PHACTR2: variants seen among roughly 807,000 people sequenced by gnomAD.
PHACTR2 encodes phosphatase and actin regulator 2.
PHACTR2 carries 30 observed loss-of-function variants against 76.0 expected under a neutral mutation model. The observed-to-expected ratio is 0.39, with a 90% CI of 0.30 to 0.54. The LOEUF (loss-of-function observed/expected upper bound fraction) is 0.54. PHACTR2 is among the 20% of genes least tolerant of loss of function. The pLI is 0.61. For missense variants in PHACTR2, 696 were observed against 781.1 expected (o/e 0.89, Z 1.30); for synonymous variants, 292 against 292.5 (o/e 1.00, Z 0.02).
At chr6:143,763,070 T>C (rs1779475573) in intron 5 of PHACTR2, among the ~76,000 whole-genome samples, 1 of 152,164 alleles carries the variant, frequency 6.6e-6, no homozygotes, top group Non-Finnish European at 1.5e-5. Flanking sequence ...GATGAAAGAA[T>C]TTTATTGGCC....
chr6:143,750,376 A>G lies in PHACTR2; in HGVS notation c.295+1311A>G, dbSNP rs940403282. Among the ~76,000 whole-genome samples the G allele has an allele frequency of 6.6e-6, 1 of 152,220 alleles. No individual in the cohort carries two copies. Among genetic ancestry groups the G allele is most frequent in the African/African-American group, 2.4e-5 (1 of 41,466 alleles). On this transcript the variant is annotated intron_variant, in intron 3 of 12. Coordinates refer to ENST00000440869, the MANE Select transcript of PHACTR2 (RefSeq NM_001100164.2). The surrounding 1 kb of genome is among the most constrained non-coding windows in gnomAD (Gnocchi z 4.6). ...TTAAACTTAAAGGTAGGCTTGCAATATCAAAATTAATCCCCTGTCCAATGT... is the reference window on the plus strand; with the variant it reads ...TTAAACTTAAAGGTAGGCTTGCAATGTCAAAATTAATCCCCTGTCCAATGT...
chr6:143,745,825 T>A (rs530122028), intron 2 of PHACTR2, among the ~76,000 whole-genome samples: 1 of 152,322 alleles, frequency 6.6e-6, no homozygotes, highest in East Asian at 1.9e-4. Context: ...TATCAGAGCC[T>A]GTTTATAGGA....
rs1266964208 is a variant in PHACTR2 at position 143,656,122 on chromosome 6, C to T, written c.13+47800C>T. Among the ~76,000 whole-genome samples the T allele has an allele frequency of 6.6e-6, 1 of 152,158 alleles. No homozygotes were observed. The highest frequency in any genetic ancestry group is 2.4e-5 in the African/African-American group (1 of 41,424). On this transcript the variant is annotated intron_variant, in intron 1 of 11. Transcript: ENST00000305766. The surrounding 1 kb of genome is among the most constrained non-coding windows in gnomAD (Gnocchi z 5.3). ...AAATACACTCATTGACTTTCTTCTC[C>T]AAGCCAAACTGCAGAGGAAATAACA...
At chr6:143,799,995 A>T (rs552810830) in intron 11 of PHACTR2, among the ~76,000 whole-genome samples, 3 of 152,156 alleles carry the variant, frequency 2.0e-5, no homozygotes, top group African/African-American at 7.2e-5. Flanking sequence ...AAAGTCTCCC[A>T]TTATTATTGT....
chr6:143,652,574 T>G lies in PHACTR2; in HGVS notation c.13+44252T>G, dbSNP rs1439210628. Among the ~76,000 whole-genome samples, 3 of 152,214 alleles carry G rather than the reference T, an allele frequency of 2.0e-5. No individual in the cohort carries two copies. Among genetic ancestry groups the G allele is most frequent in the Non-Finnish European group, 2.9e-5 (2 of 68,036 alleles). ...TGAGTACACTTAAGTGTTTTTGTTT[T>G]CCACTATGCTAGGTCAGTTTTCAGA... is the stretch of plus-strand genomic sequence containing the variant. On this transcript the variant is annotated intron_variant, in intron 1 of 11. Coordinates refer to the PHACTR2 transcript ENST00000305766. This position sits in a 1 kb window ranked among gnomAD's most constrained non-coding sequence, Gnocchi z 4.5.
chr6:143,785,645 A>G (rs1046475433), intron 10 of PHACTR2, among the ~76,000 whole-genome samples: 4 of 151,898 alleles, frequency 2.6e-5, no homozygotes, highest in African/African-American at 9.7e-5. Flanking sequence ...CATGAGCCCC[A>G]CCCCACCCCC....
intron 1 of PHACTR2, among the ~76,000 whole-genome samples, chr6:143,542,951 CA>C (rs1225108078): frequency 3.3e-5 from 5 of 152,186 alleles, no homozygotes; most frequent in Non-Finnish European, 5.9e-5. Flanking sequence ...TCCATTCATT[CA>C]ATTAGTCTTT....
chr6:143,708,719 T>TG lies in PHACTR2; in HGVS notation c.47-3296dup, dbSNP rs1778105567. Among the ~76,000 whole-genome samples, 2 of 152,228 alleles carry TG rather than the reference T, an allele frequency of 1.3e-5. No homozygotes were observed. ...CAGATGACAGTGGTCCTCACATTCATGATTTAAGAGAAGTACAATGGCACA... is the reference window on the plus strand; with the variant it reads ...CAGATGACAGTGGTCCTCACATTCATGGATTTAAGAGAAGTACAATGGCACA... On this transcript the variant is annotated intron_variant, in intron 1 of 12. Transcript: ENST00000440869. The surrounding 1 kb of genome is among the most constrained non-coding windows in gnomAD (Gnocchi z 5.5).
At chr6:143,542,729 T>G (rs1781182232) in intron 1 of PHACTR2, among the ~76,000 whole-genome samples, 1 of 152,216 alleles carries the variant, frequency 6.6e-6, no homozygotes, top group African/African-American at 2.4e-5. Context: ...GGGGAAAATT[T>G]CTTCATATTT....
chr6:143,612,752 C>T (rs1775998083), intron 1 of PHACTR2, among the ~76,000 whole-genome samples: 1 of 152,122 alleles, frequency 6.6e-6, no homozygotes, highest in Non-Finnish European at 1.5e-5. Context: ...TTCTAAAAAA[C>T]TTGATAAAAA....
chr6:143,787,576 A>G lies in PHACTR2; in HGVS notation c.1708-1197A>G, dbSNP rs1775583842. On this transcript the variant is annotated intron_variant, in intron 10 of 12. Transcript: ENST00000440869. The surrounding 1 kb of genome is among the most constrained non-coding windows in gnomAD (Gnocchi z 4.6). Reference sequence around the variant, plus strand: ...TTCAGAAGGAAACTGAGGCCCAGGAAAGGGCTGTTAATGACTACAGAATGT... The same window carrying G: ...TTCAGAAGGAAACTGAGGCCCAGGAGAGGGCTGTTAATGACTACAGAATGT... Among the ~76,000 whole-genome samples the G allele has an allele frequency of 6.6e-6, 1 of 152,168 alleles. No individual in the cohort carries two copies. Among genetic ancestry groups the G allele is most frequent in the Non-Finnish European group, 1.5e-5 (1 of 68,026 alleles).
rs556593040 is a variant in PHACTR2, at chr6:143,692,153, C to T, written c.46+13944C>T. 5.9e-5 allele frequency among the ~76,000 whole-genome samples: 9 copies of T among 152,306 alleles called. No homozygotes were observed. The South Asian group carries it at 8.3e-4, about 14-fold the overall frequency. On this transcript the variant is annotated intron_variant, in intron 1 of 12. Coordinates refer to ENST00000440869, the MANE Select transcript of PHACTR2 (RefSeq NM_001100164.2). ...GTGCTGAGCATTCCCTCTGACCTTC[C>T]TTCTTGTATAAAGATGTTTCTGACA...
rs917379047 is a variant in PHACTR2, at chr6:143,764,409, T to A, written c.695-852T>A. ...GGTGGTACACACCTGTAGTCCCAGC[T>A]ACTCAGGAGGCTAAGGCAGGAGGAT... On this transcript the variant is annotated intron_variant, in intron 5 of 12. Transcript: ENST00000440869. This position sits in a 1 kb window ranked among gnomAD's most constrained non-coding sequence, Gnocchi z 4.7. 6.6e-6 allele frequency among the ~76,000 whole-genome samples: 1 copy of A among 151,612 alleles called. No individual in the cohort carries two copies. Among genetic ancestry groups the A allele is most frequent in the Non-Finnish European group, 1.5e-5 (1 of 67,978 alleles).
At chr6:143,749,564 A>G (rs558292943) in intron 3 of PHACTR2, among the ~76,000 whole-genome samples, 3 of 152,224 alleles carry the variant, frequency 2.0e-5, no homozygotes, top group Non-Finnish European at 4.4e-5. Flanking sequence ...GAATAGGCAA[A>G]CTAAACTAAC....
At chr6:143,691,169 T>C (rs971111640) in intron 1 of PHACTR2, among the ~76,000 whole-genome samples, 2 of 152,122 alleles carry the variant, frequency 1.3e-5, no homozygotes, top group African/African-American at 4.8e-5. Flanking sequence ...TATAGGTTAG[T>C]GGTACTGTAC....
At position 143,753,585 on chromosome 6, in the gene PHACTR2, G is replaced by A. The variant is rs532389045; in HGVS notation, c.296-169G>A. Among the ~76,000 whole-genome samples the A allele has an allele frequency of 6.6e-6, 1 of 152,274 alleles. No homozygotes were observed. The highest frequency in any genetic ancestry group is 6.5e-5 in the Admixed American group (1 of 15,292). On this transcript the variant is annotated intron_variant, in intron 3 of 12. Transcript: ENST00000440869. The surrounding 1 kb of genome is among the most constrained non-coding windows in gnomAD (Gnocchi z 4.6). ...TCCATAGCAGCTTTTCCCCAAGACA[G>A]AGGATTTTCTAGCTCTTTTGTTTTG... is the stretch of plus-strand genomic sequence containing the variant.
intron 1 of PHACTR2, among the ~76,000 whole-genome samples, chr6:143,573,883 C>T (rs1436728148): frequency 2.0e-5 from 3 of 152,178 alleles, no homozygotes; most frequent in Admixed American, 6.5e-5. Context: ...TTTATGGAAT[C>T]GTGAATTTTA....
Position 143,553,772 on chromosome 6 carries a change from A to C in PHACTR2, c.217+16565A>C, listed in dbSNP as rs143868586. 2.4e-3 allele frequency among the ~76,000 whole-genome samples: 364 copies of C among 152,302 alleles called. 2 individuals carry two copies. The highest frequency in any genetic ancestry group is 8.3e-3 in the African/African-American group (343 of 41,552). On this transcript the variant is annotated intron_variant, in intron 1 of 11. Transcript: ENST00000367584. The surrounding 1 kb of genome is among the most constrained non-coding windows in gnomAD (Gnocchi z 4.2). The stretch of plus-strand genomic sequence containing the variant: ...GGGAGACAGAGACAATACACAAACT[A>C]AATAAACAATATTAGATGGTGATTA...
rs1775787526 is a variant in PHACTR2, at chr6:143,599,212, A to C, written c.217+62005A>C. 6.6e-6 allele frequency among the ~76,000 whole-genome samples: 1 copy of C among 152,234 alleles called. No individual in the cohort carries two copies. The highest frequency in any genetic ancestry group is 1.5e-5 in the Non-Finnish European group (1 of 68,036). On this transcript the variant is annotated intron_variant, in intron 1 of 11. Coordinates refer to the PHACTR2 transcript ENST00000367584. This position sits in a 1 kb window ranked among gnomAD's most constrained non-coding sequence, Gnocchi z 4.6. Reference sequence around the variant, plus strand: ...AGAATCATTCTCTCAATTAATCTAAAGCCTATGTGTTAATACTCTTTAAAA... The same window carrying C: ...AGAATCATTCTCTCAATTAATCTAACGCCTATGTGTTAATACTCTTTAAAA...
Sources: gnomAD v4.1 joint callset for allele counts (sites outside exome capture counted in the v4.1 genomes callset) on GRCh38, gnomAD v4.1.1 for gene constraint, Gnocchi (gnomAD v3.1) non-coding constraint, MANE v1.5 for transcripts, NCBI Gene and HGNC (gene_info 2026-07-23, HGNC 2026-07-21) for gene names.